The following TNC variants were observed in gnomAD, a reference collection of about 807,000 sequenced individuals.
TNC encodes tenascin C.
Under a neutral mutation model 202.4 loss-of-function variants are expected in TNC, and 109 were observed. The observed-to-expected ratio is 0.54, with a 90% confidence interval of 0.46 to 0.63. TNC has a LOEUF of 0.63. Ranked by LOEUF, TNC falls within the 30% of genes least tolerant of loss-of-function variation. The probability of loss-of-function intolerance (pLI) is 0.00; values close to 1 mark genes in which losing one functional copy is unlikely to be tolerated. For synonymous variants in TNC, 1,007 were observed against 1,089.7 expected, an observed-to-expected ratio of 0.92 and a Z score of 1.50; for missense variants, 2,756 against 2,833.3, an observed-to-expected ratio of 0.97 and a Z score of 0.62.
At position 115,086,300 on chromosome 9, in the gene TNC, G is replaced by A. The variant is rs752485367; in HGVS notation, c.1431C>T (p.His477=). 20 of 1,613,872 alleles carry A rather than the reference G, an allele frequency of 1.2e-5. No homozygotes were observed. The highest frequency in any genetic ancestry group is 8.0e-5 in the African/African-American group (6 of 74,876). ...CACACATGCCATTCACACAGCGGCC[G>A]TGCTGGTGACAGTCATTAGGGCAGC... ...DMSCPNDCHQ[H]GRCVNGMCVC... Residue 477 remains histidine (H), a synonymous_variant, in exon 3 of 28, where the codon CAC becomes CAT. Transcript: ENST00000350763.
intron 6 of TNC, among the ~76,000 whole-genome samples, chr9:115,080,855 T>C (rs1045660064): frequency 1.3e-5 from 2 of 149,250 alleles, no homozygotes; most frequent in Non-Finnish European, 3.0e-5. Context: ...GAGATTGCAG[T>C]GAACTGAGAT....
chr9:115,041,304 A>AGCG (rs369968281), intron 18 of TNC, among the ~76,000 whole-genome samples: 20 of 106,948 alleles, frequency 1.9e-4, no homozygotes, highest in Admixed American at 4.1e-4. Context: ...CAAAGCCAGG[A>AGCG]GGGGCGGGGG....
At position 115,064,008 on chromosome 9, in the gene TNC, A is replaced by G. The variant is rs1832749054; in HGVS notation, c.3548T>C (p.Leu1183Pro). Residue 1183 changes from leucine (L) to proline (P), a missense_variant, in exon 12 of 28, where the codon CTC becomes CCC. This residue lies in a region of TNC where 2,559 missense variants were observed against 2,546.0 expected (regional missense o/e 1.01). Transcript: ENST00000350763. Reference sequence around the variant, plus strand: ...GGCCCCTTCTGGAGCAGTCCAGTTGAGTTTGAGGGCATCCCAGCCCACCTC... The same window carrying G: ...GGCCCCTTCTGGAGCAGTCCAGTTGGGTTTGAGGGCATCCCAGCCCACCTC... Reference protein sequence around the residue: ...VAEVGWDALKLNWTAPEGAYE... With the variant: ...VAEVGWDALKPNWTAPEGAYE... The G allele has an allele frequency of 6.2e-7, 1 of 1,613,504 alleles. No individual in the cohort carries two copies. Among genetic ancestry groups the G allele is most frequent in the Non-Finnish European group, 8.5e-7 (1 of 1,179,672 alleles).
Position 115,062,935 on chromosome 9 carries a change from C to A in TNC, c.4015G>T (p.Ala1339Ser). 6.2e-7 allele frequency: 1 copy of A among 1,613,740 alleles called. No individual in the cohort carries two copies. Among genetic ancestry groups the A allele is most frequent in the South Asian group, 1.1e-5 (1 of 91,030 alleles). The change falls in exon 13 of 28, where the codon GCT (alanine) becomes TCT (serine). Residue 1339 changes from alanine (A) to serine (S), a missense_variant. By Grantham distance (99) the Ala-to-Ser change is moderately conservative (BLOSUM62 1). Transcript: ENST00000350763. ...CATATACCTGTGACGACCTCTACAG[C>A]AAGGGGTCGAGTGCTGTGGCCCCTG... is the stretch of plus-strand genomic sequence containing the variant. The part of the protein sequence containing the change: ...EVRGHSTRPL[A>S]VEVVTEDLPQ...
chr9:115,040,356 A>G (rs1830637670), intron 19 of TNC, among the ~76,000 whole-genome samples: 1 of 152,210 alleles, frequency 6.6e-6, no homozygotes, highest in Non-Finnish European at 1.5e-5. Flanking sequence ...GGAATGCAAG[A>G]GCCACCAAAT....
chr9:115,024,232 C>A, intron 26 of TNC, 96 bp from the exon 27 acceptor site: 1 of 1,355,576 alleles, frequency 7.4e-7, no homozygotes, highest in South Asian at 1.3e-5. Flanking sequence ...TTGAAAGGTT[C>A]TGGGTGTGGG....
chr9:115,029,810 C>T (rs1167065147), intron 24 of TNC, among the ~76,000 whole-genome samples: 1 of 152,052 alleles, frequency 6.6e-6, no homozygotes, highest in East Asian at 1.9e-4. Flanking sequence ...TGCCATGAAC[C>T]TAAAACTGTT....
Position 115,041,103 on chromosome 9 carries a change from A to G in TNC, c.5249-19T>C, listed in dbSNP as rs1830702609. The G allele has an allele frequency of 1.3e-6, 2 of 1,598,428 alleles. No homozygotes were observed. Among genetic ancestry groups the G allele is most frequent in the African/African-American group, 1.3e-5 (1 of 74,492 alleles). ...GGTGTACCTGGAACACAGTAAAAGC[A>G]AGATGAGGAATAATGAACCTCACTG... On this transcript the variant is annotated intron_variant, in intron 18 of 27. Coordinates refer to ENST00000350763, the MANE Select transcript of TNC (RefSeq NM_002160.4).
At chr9:115,062,843 A>C in intron 13 of TNC, 74 bp downstream of exon 13, 1 of 1,519,940 alleles carries the variant, frequency 6.6e-7, no homozygotes, top group Non-Finnish European at 8.9e-7. Flanking sequence ...ATTCTGCCAC[A>C]CGGGTGAATT....
At chr9:115,035,853 A>T in intron 21 of TNC, 2 of 461,776 alleles carry the variant, frequency 4.3e-6, no homozygotes, top group East Asian at 3.2e-5. Flanking sequence ...CCACTTACAA[A>T]GCCCTCCTCT....
chr9:115,023,811 A>C (rs1286377856), intron 27 of TNC, among the ~76,000 whole-genome samples, 162 bp downstream of exon 27: 1 of 152,220 alleles, frequency 6.6e-6, no homozygotes, highest in Non-Finnish European at 1.5e-5. Context: ...CCTGGCCTGC[A>C]GTGTCCTTGA....
rs527889235 is a variant in TNC at position 115,059,808 on chromosome 9, C to A, written c.4228G>T (p.Ala1410Ser). ...TAGATGGAGACTCTATAAGGCGTGG[C>A]AGCCTCGAGGCCCGGGATGTCCACA... ...RAVDIPGLEA[A>S]TPYRVSIYGV... Residue 1410 changes from alanine to serine, a missense_variant, in exon 14 of 28, where the codon GCC becomes TCC. By Grantham distance (99) the Ala-to-Ser change is moderately conservative. Around this residue, in one of 2 missense-constraint regions of TNC, gnomAD observed 2,559 missense variants for 2,546.0 expected, o/e 1.01. Transcript: ENST00000350763. 3.7e-5 allele frequency: 59 copies of A among 1,613,632 alleles called. No individual in the cohort carries two copies. The East Asian group carries it at 1.3e-3, about 35-fold the overall frequency.
intron 10 of TNC, among the ~76,000 whole-genome samples, chr9:115,072,792 A>C (rs926892553): frequency 2.6e-4 from 40 of 152,378 alleles, no homozygotes; most frequent in African/African-American, 9.6e-4. Flanking sequence ...AGTAAAGACT[A>C]TTACTTGCCA....
At chr9:115,088,053 T>A (rs774550695) in intron 2 of TNC, among the ~76,000 whole-genome samples, 3 of 152,234 alleles carry the variant, frequency 2.0e-5, no homozygotes, top group Admixed American at 6.5e-5. Context: ...ACATAAAAGA[T>A]GCCCAAGAAA....
At chr9:115,117,689 G>A (rs57814325) in intron 1 of TNC, among the ~76,000 whole-genome samples, 33,432 of 152,134 alleles carry the variant, frequency 0.22, 3,790 homozygotes, top group South Asian at 0.27. Context: ...AAGTAGGAGA[G>A]CAGTTGAAGA....
In TNC at chr9:115,020,746, T is replaced by C. The variant is rs546468244; in HGVS notation, c.*411A>G. On this transcript the variant is annotated 3_prime_UTR_variant, in exon 28 of 28. Transcript: ENST00000350763. ...ATGTAAAAAAAGGGATGGCTTCCAA[T>C]GACACATTTAATCTTTGCTAACAAA... 38 of 270,474 alleles carry C rather than the reference T, an allele frequency of 1.4e-4. No individual in the cohort carries two copies. The Admixed American group carries it at 1.6e-3, about 11-fold the overall frequency. The allele number at this position is 270,474 out of a possible 1,614,324, so 16.8% of individuals were successfully genotyped here.
chr9:115,058,974 G>A (rs1286354908), intron 14 of TNC, among the ~76,000 whole-genome samples: 2 of 152,216 alleles, frequency 1.3e-5, no homozygotes, highest in Admixed American at 1.3e-4. Context: ...ACACTCCAGA[G>A]AGAAACTCTT....
chr9:115,031,068 G>T (rs1442020379), intron 23 of TNC, among the ~76,000 whole-genome samples: 1 of 152,218 alleles, frequency 6.6e-6, no homozygotes, highest in East Asian at 1.9e-4. Flanking sequence ...AAGATCATTT[G>T]TGATTTTGAA....
At chr9:115,054,995 T>G (rs190000937) in intron 15 of TNC, among the ~76,000 whole-genome samples, 25 of 152,320 alleles carry the variant, frequency 1.6e-4, no homozygotes, top group African/African-American at 5.5e-4. Flanking sequence ...TCAGAGTCTA[T>G]TCTCAGCATG....
Sources: allele counts gnomAD v4.1 joint callset (sites outside exome capture counted in the v4.1 genomes callset), GRCh38; gene constraint gnomAD v4.1.1; regional missense constraint gnomAD v4.1.1; transcripts MANE v1.5; gene names NCBI Gene and HGNC (gene_info 2026-07-23, HGNC 2026-07-21).